APP: variants seen among roughly 807,000 people sequenced by gnomAD.
APP encodes the protein amyloid-beta precursor protein.
In APP, 31 loss-of-function variants were observed where a neutral mutation model predicts 101.4. The ratio of observed to expected loss-of-function variants is 0.31; its 90% CI spans 0.23 to 0.41. The LOEUF (loss-of-function observed/expected upper bound fraction) is 0.41. Ranked by LOEUF, APP falls within the 10% of genes least tolerant of loss-of-function variation. The probability of loss-of-function intolerance (pLI) is 1.00; values close to 1 mark genes in which losing one functional copy is unlikely to be tolerated. For synonymous variants in APP, 366 were observed against 364.4 expected (o/e 1.00, Z -0.05); for missense variants, 839 against 1,003.7 (o/e 0.84, Z 2.22).
chr21:25,989,910 A>G (rs2042791165), intron 8 of APP, among the ~76,000 whole-genome samples: 1 of 137,322 alleles, frequency 7.3e-6, no homozygotes, highest in South Asian at 2.4e-4. Context: ...TAACTTAAAA[A>G]AAAAGTGTCT....
At chr21:25,950,734 G>A (rs1233218689) in intron 13 of APP, among the ~76,000 whole-genome samples, 1 of 152,134 alleles carries the variant, frequency 6.6e-6, no homozygotes, top group African/African-American at 2.4e-5. Context: ...TGTGAGATAA[G>A]AGGTAGGGTG....
At chr21:25,914,312 A>C (rs2039228968) in intron 13 of APP, among the ~76,000 whole-genome samples, 2 of 151,822 alleles carry the variant, frequency 1.3e-5, no homozygotes, top group African/African-American at 4.8e-5. Flanking sequence ...TAGTCTCCTC[A>C]CTGCTTGCTA....
At chr21:26,083,773 A>G (rs1227434650) in intron 3 of APP, among the ~76,000 whole-genome samples, 2 of 152,210 alleles carry the variant, frequency 1.3e-5, no homozygotes, top group Non-Finnish European at 2.9e-5. Context: ...GCTTCAAGAA[A>G]ATATCAGCAA....
At chr21:26,104,674 T>C (rs1396939372) in intron 2 of APP, among the ~76,000 whole-genome samples, 6 of 151,902 alleles carry the variant, frequency 3.9e-5, no homozygotes, top group Non-Finnish European at 7.4e-5. Flanking sequence ...TAACACAAAA[T>C]ACAAATTCAG....
chr21:25,881,721 C>T lies in APP; in HGVS notation c.2262G>A (p.Gln754=), dbSNP rs767682190. Reference sequence around the variant, plus strand: ...TGTAGGTTGGATTTTCGTAGCCGTTCTGCTGCATCTTGGACAGGTGGCGCT... The same window carrying T: ...TGTAGGTTGGATTTTCGTAGCCGTTTTGCTGCATCTTGGACAGGTGGCGCT... The part of the protein sequence containing the change: ...PEERHLSKMQ[Q]NGYENPTYKF... Residue 754 remains glutamine (Q), a synonymous_variant, in exon 18 of 18, where the codon CAG becomes CAA. Transcript: ENST00000346798. The T allele has an allele frequency of 6.2e-7, 1 of 1,614,032 alleles. No homozygotes were observed.
chr21:25,928,084 C>A lies in APP; in HGVS notation c.1688-16122G>T, dbSNP rs190217552. ...TTATGGCCAGGCGCGGTGGCTCACGCCTGTAATCCCAGCATTTTGGGAGGC... is the reference window on the plus strand; with the variant it reads ...TTATGGCCAGGCGCGGTGGCTCACGACTGTAATCCCAGCATTTTGGGAGGC... On this transcript the variant is annotated intron_variant, in intron 13 of 17. Transcript: ENST00000346798. 4.0e-3 allele frequency among the ~76,000 whole-genome samples: 613 copies of A among 152,248 alleles called. 2 individuals carry two copies. Among genetic ancestry groups the A allele is most frequent in the African/African-American group, 0.013 (538 of 41,528 alleles).
At chr21:25,972,157 C>T (rs1158785391) in intron 11 of APP, among the ~76,000 whole-genome samples, 3 of 151,958 alleles carry the variant, frequency 2.0e-5, no homozygotes, top group East Asian at 1.9e-4. Context: ...AAGATACAGA[C>T]GATATTATGG....
At chr21:26,006,544 A>G (rs2043538738) in intron 6 of APP, among the ~76,000 whole-genome samples, 1 of 152,244 alleles carries the variant, frequency 6.6e-6, no homozygotes, top group Non-Finnish European at 1.5e-5. Context: ...AAAATAATAC[A>G]GAATCTAAGC....
At chr21:25,970,642 A>C (rs927056780) in intron 11 of APP, among the ~76,000 whole-genome samples, 2 of 152,212 alleles carry the variant, frequency 1.3e-5, no homozygotes, top group African/African-American at 4.8e-5. Context: ...TAATATGAAT[A>C]TTCTTTTTCA....
At chr21:26,125,427 G>T (rs1453595826) in intron 1 of APP, among the ~76,000 whole-genome samples, 2 of 152,102 alleles carry the variant, frequency 1.3e-5, no homozygotes, top group East Asian at 3.8e-4. Flanking sequence ...GATTTTAAAA[G>T]AAATTAAACA....
At chr21:25,945,700 T>C in intron 13 of APP, 1 of 332,634 alleles carries the variant, frequency 3.0e-6, no homozygotes, top group South Asian at 2.2e-5. Flanking sequence ...AATAATAGTC[T>C]TTTTCTTCCT....
intron 1 of APP, among the ~76,000 whole-genome samples, chr21:26,156,000 CAAAAAAAAAAA>C (rs757330872): frequency 1.1e-5 from 1 of 90,178 alleles, no homozygotes; most frequent in South Asian, 3.9e-4. Context: ...GACTTCGTCT[CAAAAAAAAAAA>C]AAAAAAAAAA....
chr21:25,959,950 C>T (rs2041504996), intron 11 of APP, among the ~76,000 whole-genome samples: 1 of 152,136 alleles, frequency 6.6e-6, no homozygotes, highest in African/African-American at 2.4e-5. Flanking sequence ...TCCTGAAAAT[C>T]CCCAGAGTTT....
At chr21:26,131,063 C>G (rs903974065) in intron 1 of APP, among the ~76,000 whole-genome samples, 1 of 152,022 alleles carries the variant, frequency 6.6e-6, no homozygotes, top group Non-Finnish European at 1.5e-5. Flanking sequence ...AACCCCTTCT[C>G]TACTAAAAAT....
chr21:25,886,397 T>A (rs1169868929), intron 17 of APP, among the ~76,000 whole-genome samples: 8 of 151,578 alleles, frequency 5.3e-5, no homozygotes, highest in African/African-American at 1.9e-4. Flanking sequence ...TATCCCTTCA[T>A]AATTTTTTTT....
At chr21:26,016,934 GGGCGGGGGGCGGGGGGC>G (rs138759151) in intron 6 of APP, among the ~76,000 whole-genome samples, 79,411 of 109,176 alleles carry the variant, frequency 0.73, 26,179 homozygotes, top group Non-Finnish European at 0.76. Context: ...ACTTTGTGGG[GGGCGGGGGGCGGGGGGC>G]GGGGGGTGCC....
intron 11 of APP, among the ~76,000 whole-genome samples, chr21:25,958,454 T>G (rs1426184998): frequency 1.3e-5 from 2 of 152,162 alleles, no homozygotes; most frequent in South Asian, 2.1e-4. Flanking sequence ...TTTTTTTGTA[T>G]TTTTAGTAGA....
At chr21:25,973,943 T>TAAAAAAAAAAAAAAAAA (rs369334912) in intron 11 of APP, among the ~76,000 whole-genome samples, 1 of 111,140 alleles carries the variant, frequency 9.0e-6, no homozygotes, top group Non-Finnish European at 1.7e-5. Context: ...CCATCTCATT[T>TAAAAAAAAAAAAAAAAA]AAAAAAAAAA....
chr21:25,969,879 A>G lies in APP; in HGVS notation c.1458+5191T>C, dbSNP rs937637468. 3.8e-4 allele frequency among the ~76,000 whole-genome samples: 3 copies of G among 7,938 alleles called. No individual in the cohort carries two copies. The Admixed American group carries it at 5.9e-3, about 16-fold the overall frequency. 5.2% of individuals were successfully genotyped at this position (7,938 alleles called of 152,430 possible). A position where few individuals can be genotyped will look rare whatever the true frequency, so the allele number is the denominator to read the frequency against. ...CAAAAGAAAAGAAAAGAAAAGAGAA[A>G]AGAAAAGAGAAGATTAGAGAAGAGA... On this transcript the variant is annotated intron_variant, in intron 11 of 17. Coordinates refer to ENST00000346798, the MANE Select transcript of APP (RefSeq NM_000484.4).
Sources: gnomAD v4.1 joint callset for allele counts (sites outside exome capture counted in the v4.1 genomes callset) on GRCh38, gnomAD v4.1.1 for gene constraint, MANE v1.5 for transcripts, NCBI Gene and HGNC (gene_info 2026-07-23, HGNC 2026-07-21) for gene names.